The following PLCXD3 variants were observed in gnomAD, a reference collection of about 807,000 sequenced individuals.
The protein encoded by PLCXD3 is PI-PLC X domain-containing protein 3.
Under a neutral mutation model 25.5 loss-of-function variants are expected in PLCXD3, and 19 were observed. The observed-to-expected ratio is 0.75, with a 90% confidence interval of 0.52 to 1.09. The LOEUF is 1.09. Ranked by LOEUF, PLCXD3 falls within the 50% of genes least tolerant of loss-of-function variation. The pLI is 0.00. For synonymous variants in PLCXD3, 174 were observed against 137.6 expected, an observed-to-expected ratio of 1.26 and a Z score of -1.85; for missense variants, 411 against 388.1, an observed-to-expected ratio of 1.06 and a Z score of -0.50.
At chr5:41,423,977 A>G (rs925971721) in intron 1 of PLCXD3, among the ~76,000 whole-genome samples, 1 of 152,142 alleles carries the variant, frequency 6.6e-6, no homozygotes, top group Non-Finnish European at 1.5e-5. Flanking sequence ...AATACTTAAG[A>G]CCAACTCTTC....
At chr5:41,501,627 A>G (rs1043048997) in intron 1 of PLCXD3, among the ~76,000 whole-genome samples, 5 of 152,052 alleles carry the variant, frequency 3.3e-5, no homozygotes, top group African/African-American at 1.2e-4. Flanking sequence ...GCAATATTGT[A>G]CTTACAGGTA....
Position 41,413,822 on chromosome 5 carries a change from A to T in PLCXD3, c.104-31288T>A, listed in dbSNP as rs191374868. Among the ~76,000 whole-genome samples the T allele has an allele frequency of 3.3e-5, 5 of 151,710 alleles. No individual in the cohort carries two copies. The South Asian group carries it at 6.2e-4, about 19-fold the overall frequency. ...CTTAAAATATGACAAACTAGAGTTT[A>T]AAAAAAAATTCTCCCATAAGATACA... On this transcript the variant is annotated intron_variant, in intron 1 of 2. Coordinates refer to ENST00000377801, the MANE Select transcript of PLCXD3 (RefSeq NM_001005473.3).
chr5:41,381,327 T>C (rs1393131038), intron 2 of PLCXD3, among the ~76,000 whole-genome samples: 1 of 152,054 alleles, frequency 6.6e-6, no homozygotes, highest in Non-Finnish European at 1.5e-5. Context: ...AAAATACACG[T>C]TAAAGTCCTA....
chr5:41,327,851 GCTGCAGTGCAGTGGCATAGTCATAGCTCA>G (rs1743678994), intron 2 of PLCXD3, among the ~76,000 whole-genome samples: 1 of 152,036 alleles, frequency 6.6e-6, no homozygotes, highest in South Asian at 2.1e-4. Flanking sequence ...TATCACCCAT[GCTGCAGTGCAGTGGCATAGTCATAGCTCA>G]CTGTAACCTC....
intron 1 of PLCXD3, among the ~76,000 whole-genome samples, chr5:41,412,205 G>GA (rs1214738902): frequency 6.6e-6 from 1 of 151,754 alleles, no homozygotes; most frequent in Non-Finnish European, 1.5e-5. Flanking sequence ...GTCTCTTTAG[G>GA]AAAAAAATAT....
chr5:41,441,180 C>G (rs1020717052), intron 1 of PLCXD3, among the ~76,000 whole-genome samples: 2 of 152,150 alleles, frequency 1.3e-5, no homozygotes, highest in Non-Finnish European at 2.9e-5. Context: ...CCTGAAAAGA[C>G]AGCAAACCTG....
At chr5:41,448,140 C>A (rs1412779865) in intron 1 of PLCXD3, among the ~76,000 whole-genome samples, 1 of 152,176 alleles carries the variant, frequency 6.6e-6, no homozygotes, top group Non-Finnish European at 1.5e-5. Flanking sequence ...AGGACCAAAA[C>A]AGACATAGAA....
At chr5:41,397,490 T>C (rs942984648) in intron 1 of PLCXD3, among the ~76,000 whole-genome samples, 9 of 152,176 alleles carry the variant, frequency 5.9e-5, no homozygotes, top group Non-Finnish European at 8.8e-5. Flanking sequence ...CAGGCAGAAG[T>C]CTTCTGCAGG....
chr5:41,471,155 G>A (rs1748148370), intron 1 of PLCXD3, among the ~76,000 whole-genome samples: 1 of 151,898 alleles, frequency 6.6e-6, no homozygotes, highest in Non-Finnish European at 1.5e-5. Flanking sequence ...CCCTCTGCAA[G>A]GACACCAATT....
At chr5:41,313,874 G>T in intron 2 of PLCXD3, 104 bp from the exon 3 acceptor site, 1 of 1,331,352 alleles carries the variant, frequency 7.5e-7, no homozygotes, top group Non-Finnish European at 1.0e-6. Context: ...TAAAATAAAT[G>T]TTTCACGTAT....
intron 2 of PLCXD3, among the ~76,000 whole-genome samples, chr5:41,332,146 G>A (rs1743834925): frequency 1.3e-5 from 2 of 151,976 alleles, no homozygotes; most frequent in Non-Finnish European, 2.9e-5. Flanking sequence ...TACCATCAGA[G>A]TGAACAGGCA....
intron 2 of PLCXD3, among the ~76,000 whole-genome samples, chr5:41,323,007 G>A (rs954223068): frequency 2.0e-5 from 3 of 151,594 alleles, no homozygotes; most frequent in Admixed American, 2.0e-4. Context: ...AGAAAATGTG[G>A]TACATATACA....
chr5:41,327,900 G>A (rs1301653543), intron 2 of PLCXD3, among the ~76,000 whole-genome samples: 1 of 152,014 alleles, frequency 6.6e-6, no homozygotes, highest in East Asian at 1.9e-4. Context: ...CGAACTCCCG[G>A]ACTCAAGCGA....
intron 1 of PLCXD3, among the ~76,000 whole-genome samples, chr5:41,488,962 T>C (rs953666550): frequency 5.3e-5 from 8 of 152,076 alleles, no homozygotes; most frequent in Admixed American, 2.0e-4. Flanking sequence ...TTTTGTCTTT[T>C]GTTGCCATTG....
intron 1 of PLCXD3, among the ~76,000 whole-genome samples, chr5:41,394,584 A>G (rs1745938925): frequency 6.6e-6 from 1 of 152,158 alleles, no homozygotes. Context: ...CTTTACCCAT[A>G]AAGTCCACAC....
intron 1 of PLCXD3, among the ~76,000 whole-genome samples, chr5:41,475,181 C>T (rs879830498): frequency 6.6e-6 from 1 of 152,228 alleles, no homozygotes; most frequent in Admixed American, 6.5e-5. Flanking sequence ...CCCCATGTTA[C>T]CCTGATTCAA....
intron 2 of PLCXD3, among the ~76,000 whole-genome samples, chr5:41,358,681 C>G (rs559062288): frequency 8.7e-4 from 132 of 152,188 alleles, no homozygotes; most frequent in Non-Finnish European, 1.6e-3. Context: ...GTTTGACTTC[C>G]TTTTTATTGA....
intron 1 of PLCXD3, among the ~76,000 whole-genome samples, chr5:41,447,016 C>T (rs1293700094): frequency 1.3e-5 from 2 of 152,226 alleles, no homozygotes; most frequent in Non-Finnish European, 2.9e-5. Flanking sequence ...ATAACATCCA[C>T]CTACATTCCA....
intron 1 of PLCXD3, among the ~76,000 whole-genome samples, chr5:41,451,098 A>AAAACAAT (rs1747619633): frequency 6.6e-6 from 1 of 152,080 alleles, no homozygotes; most frequent in Admixed American, 6.6e-5. Context: ...GGATTCTGGG[A>AAAACAAT]AAACAATGTT....
Sources: allele counts gnomAD v4.1 joint callset (sites outside exome capture counted in the v4.1 genomes callset), GRCh38; gene constraint gnomAD v4.1.1; transcripts MANE v1.5; gene names NCBI Gene and HGNC (gene_info 2026-07-23, HGNC 2026-07-21).